CPE: variants seen among roughly 807,000 people sequenced by gnomAD.
CPE encodes carboxypeptidase E, also known as carbocypeptidase E.
CPE carries 17 observed loss-of-function variants against 53.5 expected under a neutral mutation model. That is an observed-to-expected ratio of 0.32 (90% CI 0.22 to 0.48). The LOEUF (loss-of-function observed/expected upper bound fraction) is 0.48. Ranked by LOEUF, CPE falls within the 20% of genes least tolerant of loss-of-function variation. The probability of loss-of-function intolerance (pLI) is 0.99; values close to 1 mark genes in which losing one functional copy is unlikely to be tolerated. For synonymous variants in CPE, 226 were observed against 228.8 expected (o/e 0.99, Z 0.11); for missense variants, 524 against 614.7 (o/e 0.85, Z 1.56).
intron 1 of CPE, among the ~76,000 whole-genome samples, chr4:165,399,707 G>A (rs917044398): frequency 6.6e-6 from 1 of 152,120 alleles, no homozygotes; most frequent in East Asian, 1.9e-4. Flanking sequence ...CTATATACTA[G>A]GGAGGATAAG....
chr4:165,464,458 T>G lies in CPE; in HGVS notation c.376T>G (p.Phe126Val), dbSNP rs1462591918. 4.3e-6 allele frequency: 7 copies of G among 1,613,876 alleles called. No individual in the cohort carries two copies. The Admixed American group carries it at 8.3e-5, about 19-fold the overall frequency. The stretch of plus-strand genomic sequence containing the variant: ...GGCTGTTGGACGAGAACTGCTCATT[T>G]TCTTGGCCCAGTACCTATGCAACGA... ...NEAVGRELLI[F>V]LAQYLCNEYQ... is the part of the protein sequence containing the mutation. Residue 126 changes from phenylalanine (F) to valine (V), a missense_variant, in exon 2 of 9, where the codon TTC becomes GTC. Coordinates refer to ENST00000402744, the MANE Select transcript of CPE (RefSeq NM_001873.4).
At chr4:165,495,706 T>C (rs1202472756) in intron 8 of CPE, 29 bp downstream of exon 8, 1 of 1,413,206 alleles carries the variant, frequency 7.1e-7, no homozygotes, top group Non-Finnish European at 9.9e-7. Context: ...AGCCAAACGC[T>C]ATAATAATAA....
At position 165,470,535 on chromosome 4, in the gene CPE, G is replaced by A. The variant is rs150087066; in HGVS notation, c.672+2680G>A. On this transcript the variant is annotated intron_variant, in intron 3 of 8. Transcript: ENST00000402744. ...ACTCCTGCCGTCTTATCAGGAAGCC[G>A]ATCACCAGTTTTAGGCTTTTCTGTC... Among the ~76,000 whole-genome samples, 65 of 152,224 alleles carry A rather than the reference G, an allele frequency of 4.3e-4. No homozygotes were observed. The East Asian group carries it at 0.012, about 28-fold the overall frequency.
At chr4:165,487,706 G>T in intron 6 of CPE, 129 bp downstream of exon 6, 3 of 1,011,402 alleles carry the variant, frequency 3.0e-6, no homozygotes, top group Non-Finnish European at 2.9e-6. Context: ...TGGAAGGCAG[G>T]TGTCAGCAGT....
intron 1 of CPE, among the ~76,000 whole-genome samples, chr4:165,443,446 C>A (rs1182224131): frequency 6.6e-6 from 1 of 152,194 alleles, no homozygotes; most frequent in Non-Finnish European, 1.5e-5. Flanking sequence ...GTAGCTTTAA[C>A]CACAAACATT....
intron 1 of CPE, among the ~76,000 whole-genome samples, chr4:165,445,894 C>T (rs1731705786): frequency 1.3e-5 from 2 of 151,882 alleles, no homozygotes; most frequent in Non-Finnish European, 2.9e-5. Flanking sequence ...AGCAAAACAG[C>T]TTGATATGAA....
At chr4:165,398,748 C>A (rs1730816767) in intron 1 of CPE, among the ~76,000 whole-genome samples, 1 of 152,158 alleles carries the variant, frequency 6.6e-6, no homozygotes, top group Non-Finnish European at 1.5e-5. Context: ...AGACAGATTT[C>A]ATTGGCTGGC....
intron 1 of CPE, 91 bp from the exon 2 acceptor site, chr4:165,464,299 A>ATCAGATAT: frequency 9.5e-7 from 1 of 1,052,110 alleles, no homozygotes; most frequent in Non-Finnish European, 1.3e-6. Context: ...GAAAAAACCC[A>ATCAGATAT]TCAGATATTC....
intron 3 of CPE, among the ~76,000 whole-genome samples, chr4:165,470,738 A>G (rs1732190908): frequency 6.6e-6 from 1 of 152,012 alleles, no homozygotes. Context: ...CCCCCTCAAG[A>G]ATCCAAGACC....
intron 1 of CPE, chr4:165,405,514 T>C (rs1730938817): frequency 2.1e-6 from 2 of 951,884 alleles, no homozygotes; most frequent in Non-Finnish European, 3.4e-6. Context: ...TTTCTTCCAC[T>C]TTTTTGTAAA....
intron 6 of CPE, among the ~76,000 whole-genome samples, chr4:165,491,550 AC>A (rs1316813558): frequency 6.6e-6 from 1 of 152,060 alleles, no homozygotes; most frequent in African/African-American, 2.4e-5. Context: ...TGAATTTCAA[AC>A]TCTTTTCAAT....
intron 1 of CPE, among the ~76,000 whole-genome samples, chr4:165,454,394 T>C (rs1028793475): frequency 6.6e-6 from 1 of 152,256 alleles, no homozygotes; most frequent in Non-Finnish European, 1.5e-5. Flanking sequence ...TTTTGACAAA[T>C]TAATTTGACT....
intron 1 of CPE, among the ~76,000 whole-genome samples, chr4:165,460,849 A>G (rs982494589): frequency 2.0e-5 from 3 of 152,160 alleles, no homozygotes; most frequent in African/African-American, 7.2e-5. Flanking sequence ...CAGGTGACAC[A>G]CTGGTGAGCT....
chr4:165,424,597 C>G (rs958238869), intron 1 of CPE, among the ~76,000 whole-genome samples: 43 of 151,692 alleles, frequency 2.8e-4, no homozygotes, highest in Non-Finnish European at 5.9e-4. Flanking sequence ...GCAGTGGCAC[C>G]ATCTCGGCTC....
At chr4:165,487,613 A>G in intron 6 of CPE, 36 bp downstream of exon 6, 1 of 1,612,172 alleles carries the variant, frequency 6.2e-7, no homozygotes, top group Non-Finnish European at 8.5e-7. Flanking sequence ...TGCAAGGTTT[A>G]CAAGCATTCA....
chr4:165,416,325 G>A (rs1352974248), intron 1 of CPE, among the ~76,000 whole-genome samples: 2 of 152,156 alleles, frequency 1.3e-5, no homozygotes, highest in East Asian at 3.9e-4. Context: ...GGGGGCTCTG[G>A]GCGGTGACCA....
chr4:165,474,715 A>G (rs1282418079), intron 3 of CPE, among the ~76,000 whole-genome samples: 2 of 152,200 alleles, frequency 1.3e-5, no homozygotes, highest in Non-Finnish European at 2.9e-5. Flanking sequence ...ATCTGTTTTA[A>G]TGGTAATCTG....
At chr4:165,405,080 T>C (rs1579246097) in intron 1 of CPE, 1 of 726,370 alleles carries the variant, frequency 1.4e-6, no homozygotes, top group East Asian at 2.4e-5. Flanking sequence ...CCCAGTCAAG[T>C]TGCTGAAGAT....
At chr4:165,406,184 G>A in intron 1 of CPE, 1 of 703,984 alleles carries the variant, frequency 1.4e-6, no homozygotes, top group Non-Finnish European at 2.7e-6. Context: ...AATGGGGAGA[G>A]TTAATTTAAA....
Sources: gnomAD v4.1 joint callset for allele counts (sites outside exome capture counted in the v4.1 genomes callset) on GRCh38, gnomAD v4.1.1 for gene constraint, MANE v1.5 for transcripts, NCBI Gene and HGNC (gene_info 2026-07-23, HGNC 2026-07-21) for gene names.